Variants in CGRRF1 observed in about 807,000 individuals in gnomAD.
CGRRF1 encodes the protein cell growth regulator with RING finger domain protein 1.
Under a neutral mutation model 37.2 loss-of-function variants are expected in CGRRF1, and 32 were observed. The ratio of observed to expected loss-of-function variants is 0.86; its 90% CI spans 0.65 to 1.16. The LOEUF is 1.16. Ranked by LOEUF, CGRRF1 falls within the 50% of genes most tolerant of loss-of-function variation. The probability of loss-of-function intolerance (pLI) is 0.00; values close to 1 mark genes in which losing one functional copy is unlikely to be tolerated. For missense variants in CGRRF1, 391 were observed against 382.6 expected (o/e 1.02, Z -0.18); for synonymous variants, 141 against 140.3 (o/e 1.00, Z -0.04).
intron 4 of CGRRF1, chr14:54,536,119 C>G (rs997128023): frequency 6.6e-6 from 1 of 152,214 alleles, no homozygotes; most frequent in Admixed American, 6.5e-5. Flanking sequence ...GATTTTTCCT[C>G]CCTGTTTTTT....
chr14:54,520,515 T>C (rs747441367), intron 1 of CGRRF1, among the ~76,000 whole-genome samples: 9 of 152,242 alleles, frequency 5.9e-5, no homozygotes, highest in Non-Finnish European at 1.2e-4. Flanking sequence ...GTCAAGATAC[T>C]GAACGTTACC....
chr14:54,535,158 T>G (rs899417525), intron 4 of CGRRF1, among the ~76,000 whole-genome samples: 3 of 152,232 alleles, frequency 2.0e-5, no homozygotes, highest in Non-Finnish European at 4.4e-5. Flanking sequence ...GATGCTTTCT[T>G]ATATAACCAC....
intron 2 of CGRRF1, among the ~76,000 whole-genome samples, chr14:54,528,359 A>G (rs1024307827): frequency 1.3e-5 from 2 of 151,984 alleles, no homozygotes; most frequent in Non-Finnish European, 2.9e-5. Flanking sequence ...ATATTTATTC[A>G]TTTAATCCGC....
chr14:54,533,335 G>A (rs992330976), intron 4 of CGRRF1, among the ~76,000 whole-genome samples: 106 of 152,172 alleles, frequency 7.0e-4, no homozygotes, highest in Admixed American at 6.7e-3. Flanking sequence ...GGAAGCCTGA[G>A]TGTCTCCCAA....
chr14:54,538,489 T>C lies in CGRRF1; in HGVS notation c.*106T>C. 1 of 753,220 alleles carries C rather than the reference T, an allele frequency of 1.3e-6. No individual in the cohort carries two copies. Among genetic ancestry groups the C allele is most frequent in the Non-Finnish European group, 2.1e-6 (1 of 477,560 alleles). The allele number at this position is 753,220 out of a possible 1,614,324, so 46.7% of individuals were successfully genotyped here. On this transcript the variant is annotated 3_prime_UTR_variant, in exon 6 of 6. Coordinates refer to ENST00000216420, the MANE Select transcript of CGRRF1 (RefSeq NM_006568.3). ...CTACAGTACTGACCATCAATGAAAATTATATTTTAACTTCATATTTGTATG... is the reference window on the plus strand; with the variant it reads ...CTACAGTACTGACCATCAATGAAAACTATATTTTAACTTCATATTTGTATG...
rs766642984 is a variant in CGRRF1, at chr14:54,509,918, G to A, written c.-42G>A. On this transcript the variant is annotated 5_prime_UTR_variant, in exon 1 of 6. Transcript: ENST00000216420. ...GCGGGGCTCAGCCGGGCTGGGCTGGGCTCCGCGGCTGGAGCCGGGCTCTAC... is the reference window on the plus strand; with the variant it reads ...GCGGGGCTCAGCCGGGCTGGGCTGGACTCCGCGGCTGGAGCCGGGCTCTAC... The A allele has an allele frequency of 2.0e-6, 3 of 1,474,080 alleles. No homozygotes were observed. Among genetic ancestry groups the A allele is most frequent in the Admixed American group, 1.7e-5 (1 of 59,626 alleles). 91.3% of individuals were successfully genotyped at this position (1,474,080 alleles called of 1,614,324 possible).
intron 2 of CGRRF1, among the ~76,000 whole-genome samples, chr14:54,528,979 A>G (rs1198590040): frequency 6.6e-6 from 1 of 152,168 alleles, no homozygotes; most frequent in African/African-American, 2.4e-5. Context: ...ACTCTTGATC[A>G]CATTTTAAAA....
intron 2 of CGRRF1, among the ~76,000 whole-genome samples, chr14:54,524,566 T>A (rs954936428): frequency 2.0e-5 from 3 of 151,532 alleles, no homozygotes; most frequent in African/African-American, 4.8e-5. Context: ...AAAAAAAAAA[T>A]GTTTTTTGTG....
chr14:54,536,523 A>G (rs1050217939), intron 4 of CGRRF1: 4 of 152,222 alleles, frequency 2.6e-5, no homozygotes, highest in Non-Finnish European at 5.9e-5. Flanking sequence ...CCAACAATAT[A>G]TGAGAGTGTA....
intron 1 of CGRRF1, among the ~76,000 whole-genome samples, chr14:54,517,899 T>C (rs1338159324): frequency 6.6e-6 from 1 of 152,228 alleles, no homozygotes; most frequent in African/African-American, 2.4e-5. Context: ...CTTGCATTAG[T>C]TTGCTGAGGA....
At chr14:54,532,468 T>C (rs1398124641) in intron 4 of CGRRF1, among the ~76,000 whole-genome samples, 1 of 152,128 alleles carries the variant, frequency 6.6e-6, no homozygotes, top group Non-Finnish European at 1.5e-5. Context: ...TTTGGGATTT[T>C]TGGTGCTCTT....
At position 54,538,434 on chromosome 14, in the gene CGRRF1, A is replaced by G. The variant is rs2032637596; in HGVS notation, c.*51A>G. 6.0e-6 allele frequency: 8 copies of G among 1,331,796 alleles called. No individual in the cohort carries two copies. The East Asian group carries it at 7.1e-5, about 12-fold the overall frequency. 82.5% of individuals were successfully genotyped at this position (1,331,796 alleles called of 1,614,324 possible). On this transcript the variant is annotated 3_prime_UTR_variant, in exon 6 of 6. Transcript: ENST00000216420. ...CTTTCTACTAAAGATGCAGAAATTG[A>G]TGATCTTGGAATTCATCATAACATG...
intron 4 of CGRRF1, chr14:54,536,000 C>G (rs952365188): frequency 6.6e-6 from 1 of 152,212 alleles, no homozygotes; most frequent in East Asian, 1.9e-4. Flanking sequence ...GATTAGTTCT[C>G]TCAAAAGTCA....
chr14:54,516,729 C>T (rs1362825583), intron 1 of CGRRF1, among the ~76,000 whole-genome samples: 1 of 152,086 alleles, frequency 6.6e-6, no homozygotes, highest in African/African-American at 2.4e-5. Flanking sequence ...AAGGTTTTCG[C>T]CATTATGTGT....
chr14:54,520,843 G>GTC (rs751141641), intron 1 of CGRRF1, among the ~76,000 whole-genome samples: 14 of 152,066 alleles, frequency 9.2e-5, no homozygotes, highest in African/African-American at 1.7e-4. Context: ...TGGGACTCAG[G>GTC]TATCTGTGGG....
intron 1 of CGRRF1, 37 bp from the exon 2 acceptor site, chr14:54,522,415 ATT>A: frequency 7.2e-7 from 1 of 1,382,230 alleles, no homozygotes; most frequent in Non-Finnish European, 9.7e-7. Flanking sequence ...AAGTTTCAAC[ATT>A]TGTTAAAATA....
chr14:54,534,577 A>G (rs968730818), intron 4 of CGRRF1, among the ~76,000 whole-genome samples: 1 of 152,250 alleles, frequency 6.6e-6, no homozygotes, highest in Non-Finnish European at 1.5e-5. Context: ...AGGGTTTTAA[A>G]ACTTTTTATT....
rs372615089 is a variant in CGRRF1, at chr14:54,538,391, G to A, written c.*8G>A. On this transcript the variant is annotated 3_prime_UTR_variant, in exon 6 of 6. Transcript: ENST00000216420. Reference sequence around the variant, plus strand: ...AAACCGAAGACTCTTTGAAGACATCGTAACACTGAAAAGTACACTTTCTAC... The same window carrying A: ...AAACCGAAGACTCTTTGAAGACATCATAACACTGAAAAGTACACTTTCTAC... The A allele has an allele frequency of 1.7e-5, 27 of 1,580,302 alleles. No homozygotes were observed. In the South Asian group the frequency reaches 1.9e-4, roughly 11 times the overall value.
intron 2 of CGRRF1, among the ~76,000 whole-genome samples, chr14:54,524,773 G>T (rs368502443): frequency 8.6e-5 from 13 of 151,958 alleles, no homozygotes; most frequent in African/African-American, 3.1e-4. Context: ...CTAGGATCTC[G>T]GCCACTCCCC....
Sources: allele counts gnomAD v4.1 joint callset (sites outside exome capture counted in the v4.1 genomes callset), GRCh38; gene constraint gnomAD v4.1.1; transcripts MANE v1.5; gene names NCBI Gene and HGNC (gene_info 2026-07-23, HGNC 2026-07-21).